ATP2C1: variants seen among roughly 807,000 people sequenced by gnomAD.
ATP2C1 encodes the protein calcium-transporting ATPase type 2C member 1.
In ATP2C1, 31 loss-of-function variants were observed where a neutral mutation model predicts 120.5. The observed-to-expected ratio is 0.26, with a 90% CI of 0.19 to 0.35. The LOEUF (loss-of-function observed/expected upper bound fraction) is 0.35, where lower values mean the gene tolerates loss of function less well. ATP2C1 is among the 10% of genes least tolerant of loss of function. The pLI is 1.00. For synonymous variants in ATP2C1, 351 were observed against 358.7 expected, an observed-to-expected ratio of 0.98 and a Z score of 0.24; for missense variants, 731 against 1,107.5, an observed-to-expected ratio of 0.66 and a Z score of 4.83.
chr3:130,912,739 C>G (rs2058491933), intron 2 of ATP2C1, among the ~76,000 whole-genome samples: 1 of 147,714 alleles, frequency 6.8e-6, no homozygotes, highest in African/African-American at 2.5e-5. Flanking sequence ...TTGACCCAGC[C>G]ATCCCATTAC....
intron 6 of ATP2C1, among the ~76,000 whole-genome samples, chr3:130,939,373 C>T (rs571873633): frequency 1.3e-5 from 2 of 152,250 alleles, no homozygotes; most frequent in South Asian, 4.1e-4. Context: ...CACCACTGTA[C>T]TTCTTCCCAG....
chr3:130,932,107 A>T lies in ATP2C1; in HGVS notation c.203A>T (p.Asp68Val). The change falls in exon 4 of 28, where the codon GAT (aspartate) becomes GTT (valine). Residue 68 changes from aspartate to valine, a missense_variant. Physicochemically the swap from Asp to Val is radical, Grantham distance 152. Around this residue, in one of 3 missense-constraint regions of ATP2C1, gnomAD observed 571 missense variants for 845.9 expected, o/e 0.67. Transcript: ENST00000510168. ...HGWNEFDISE[D>V]EPLWKKYISQ... is the part of the protein sequence containing the mutation. ...TGGAATGAGTTTGATATTAGTGAAG[A>T]TGAGCCACTGTGGAAGAAGTATATT... 6.2e-7 allele frequency: 1 copy of T among 1,610,392 alleles called. No homozygotes were observed. The highest frequency in any genetic ancestry group is 8.5e-7 in the Non-Finnish European group (1 of 1,176,684).
chr3:130,988,907 A>G (rs1006098980), intron 20 of ATP2C1, among the ~76,000 whole-genome samples: 3 of 152,136 alleles, frequency 2.0e-5, no homozygotes, highest in South Asian at 2.1e-4. Flanking sequence ...GGTGTAACCA[A>G]TTGGAGGCCT....
chr3:130,970,269 A>G (rs2061237179), intron 17 of ATP2C1, among the ~76,000 whole-genome samples: 1 of 151,458 alleles, frequency 6.6e-6, no homozygotes, highest in East Asian at 1.9e-4. Flanking sequence ...AGTGAGGCTG[A>G]GACAGGGGAA....
chr3:130,915,656 T>C (rs948198385), intron 2 of ATP2C1, among the ~76,000 whole-genome samples: 1 of 152,052 alleles, frequency 6.6e-6, no homozygotes, highest in Non-Finnish European at 1.5e-5. Context: ...GGACTGAGTG[T>C]GAGTAATCGG....
At chr3:130,993,847 TA>T in intron 21 of ATP2C1, 84 bp from the exon 22 acceptor site, 1 of 1,367,670 alleles carries the variant, frequency 7.3e-7, no homozygotes, top group Admixed American at 1.8e-5. Flanking sequence ...GTGAAAAAAA[TA>T]GGGAGGATTT....
intron 2 of ATP2C1, chr3:130,914,364 G>A: frequency 6.6e-6 from 1 of 151,622 alleles, no homozygotes; most frequent in East Asian, 1.9e-4. Flanking sequence ...GTGCATTTCA[G>A]TGAGAAGGGA....
At chr3:130,936,315 A>G (rs2059668033) in intron 5 of ATP2C1, among the ~76,000 whole-genome samples, 1 of 152,198 alleles carries the variant, frequency 6.6e-6, no homozygotes, top group Non-Finnish European at 1.5e-5. Flanking sequence ...CAGAAGACCA[A>G]TGCGTGACAT....
intron 2 of ATP2C1, among the ~76,000 whole-genome samples, chr3:130,912,221 G>A (rs1382886751): frequency 7.7e-6 from 1 of 129,198 alleles, no homozygotes; most frequent in African/African-American, 3.1e-5. Context: ...AACACCAAAA[G>A]CAATGGCAAC....
intron 18 of ATP2C1, among the ~76,000 whole-genome samples, chr3:130,975,852 A>C (rs1049510428): frequency 6.6e-6 from 1 of 152,196 alleles, no homozygotes; most frequent in Non-Finnish European, 1.5e-5. Flanking sequence ...ATTGAGTCTG[A>C]AGCCTCTAAT....
At chr3:130,954,782 C>T (rs772308167) in intron 9 of ATP2C1, among the ~76,000 whole-genome samples, 2 of 152,114 alleles carry the variant, frequency 1.3e-5, no homozygotes, top group Non-Finnish European at 2.9e-5. Context: ...CCACAGCACC[C>T]GGCCAGCAAT....
chr3:130,867,297 TCCCTCTCCCTC>T (rs2068211596), intron 1 of ATP2C1, among the ~76,000 whole-genome samples: 1 of 19,040 alleles, frequency 5.3e-5, no homozygotes, highest in African/African-American at 9.0e-5. Context: ...GAAATGATTG[TCCCTCTCCCTC>T]TCCCTCTCCC....
chr3:130,918,449 C>T, intron 2 of ATP2C1: 1 of 858,722 alleles, frequency 1.2e-6, no homozygotes. Flanking sequence ...TGGAACACTT[C>T]TCAGCACCTC....
At chr3:130,905,401 C>T (rs1018238010) in intron 2 of ATP2C1, among the ~76,000 whole-genome samples, 1 of 151,934 alleles carries the variant, frequency 6.6e-6, no homozygotes, top group African/African-American at 2.4e-5. Flanking sequence ...CTTCCTTCTC[C>T]AAAGGTGAGA....
upstream of ATP2C1, chr3:130,893,969 C>T (rs2069331978): frequency 3.0e-6 from 3 of 985,554 alleles, no homozygotes; most frequent in African/African-American, 5.2e-5. Context: ...GCGCGCACCT[C>T]TCTCAGCGGA....
intron 1 of ATP2C1, among the ~76,000 whole-genome samples, chr3:130,863,484 A>G (rs765638253): frequency 1.3e-5 from 2 of 152,268 alleles, no homozygotes; most frequent in Non-Finnish European, 2.9e-5. Context: ...TTAAGATCAC[A>G]TAGTGGAAAA....
At chr3:130,951,621 T>C (rs1482202934) in intron 8 of ATP2C1, among the ~76,000 whole-genome samples, 1 of 152,168 alleles carries the variant, frequency 6.6e-6, no homozygotes, top group Non-Finnish European at 1.5e-5. Context: ...CAAATAAATA[T>C]GTTTCTTTAA....
At chr3:130,906,817 C>T (rs1352316272) in intron 2 of ATP2C1, among the ~76,000 whole-genome samples, 2 of 151,736 alleles carry the variant, frequency 1.3e-5, no homozygotes, top group Non-Finnish European at 2.9e-5. Context: ...AAGGTGGACT[C>T]TTATCTCACA....
chr3:130,893,806 G>C (rs2069301635), upstream of ATP2C1, among the ~76,000 whole-genome samples: 1 of 152,216 alleles, frequency 6.6e-6, no homozygotes, highest in Admixed American at 6.5e-5. Context: ...ACCGTCCCTG[G>C]GGTAAGGGAG....
Sources: gnomAD v4.1 joint callset for allele counts (sites outside exome capture counted in the v4.1 genomes callset) on GRCh38, gnomAD v4.1.1 for gene constraint, gnomAD v4.1.1 regional missense constraint, MANE v1.5 for transcripts, NCBI Gene and HGNC (gene_info 2026-07-23, HGNC 2026-07-21) for gene names.